Variants in CDKN2AIPNL observed in about 807,000 individuals in gnomAD.
The protein encoded by CDKN2AIPNL is CDKN2AIP N-terminal-like protein.
CDKN2AIPNL carries 9 observed loss-of-function variants against 12.9 expected under a neutral mutation model. The observed-to-expected ratio is 0.70, with a 90% CI of 0.42 to 1.22. The LOEUF (loss-of-function observed/expected upper bound fraction) is 1.22, where lower values mean the gene tolerates loss of function less well. Ranked by LOEUF, CDKN2AIPNL falls within the 50% of genes most tolerant of loss-of-function variation. CDKN2AIPNL has a pLI of 0.00. For synonymous variants in CDKN2AIPNL, 53 were observed against 61.7 expected (o/e 0.86, Z 0.66); for missense variants, 143 against 153.6 (o/e 0.93, Z 0.37).
chr5:134,409,794 T>TG (rs759598079), intron 2 of CDKN2AIPNL, 109 bp downstream of exon 2: 4 of 646,330 alleles, frequency 6.2e-6, no homozygotes, highest in Non-Finnish European at 1.1e-5. Flanking sequence ...TATAGGTCTT[T>TG]GGGGCAGTAA....
chr5:134,407,700 C>T (rs571039080), intron 2 of CDKN2AIPNL, among the ~76,000 whole-genome samples: 10 of 150,040 alleles, frequency 6.7e-5, no homozygotes, highest in Non-Finnish European at 1.3e-4. Flanking sequence ...CTTAAACTCG[C>T]GAGGCAGAGG....
chr5:134,410,303 T>C (rs1480048126), intron 1 of CDKN2AIPNL, among the ~76,000 whole-genome samples: 1 of 152,158 alleles, frequency 6.6e-6, no homozygotes, highest in Non-Finnish European at 1.5e-5. Flanking sequence ...GCCTGGCTAA[T>C]TTTTTATTTT....
chr5:134,402,975 A>C, intron 2 of CDKN2AIPNL, 49 bp from the exon 3 acceptor site: 2 of 1,517,290 alleles, frequency 1.3e-6, no homozygotes, highest in Admixed American at 1.7e-5. Flanking sequence ...AGTCCAGTGA[A>C]TCAAATTCAT....
chr5:134,403,435 T>C (rs1759057585), intron 2 of CDKN2AIPNL, among the ~76,000 whole-genome samples: 1 of 152,248 alleles, frequency 6.6e-6, no homozygotes, highest in Non-Finnish European at 1.5e-5. Context: ...GGTTACTCTC[T>C]AGCACCTTTG....
chr5:134,407,420 T>G (rs897415978), intron 2 of CDKN2AIPNL, among the ~76,000 whole-genome samples: 68 of 152,018 alleles, frequency 4.5e-4, no homozygotes, highest in African/African-American at 1.6e-3. Context: ...TGGAAAGAGT[T>G]CAGATACCTT....
rs1759059164 is a variant in CDKN2AIPNL, at chr5:134,403,569, CTT to C, written c.340-645_340-644del. 2.0e-5 allele frequency among the ~76,000 whole-genome samples: 3 copies of C among 152,294 alleles called. No homozygotes were observed. The South Asian group carries it at 6.2e-4, about 32-fold the overall frequency. On this transcript the variant is annotated intron_variant, in intron 2 of 2. Coordinates refer to ENST00000458198, the MANE Select transcript of CDKN2AIPNL (RefSeq NM_080656.3). ...AGTGCAAGTGAATCAATCTGAGAGTCTTTTTAGTAATCAGAGATTTCAAGGTA... is the reference window on the plus strand; with the variant it reads ...AGTGCAAGTGAATCAATCTGAGAGTCTTTAGTAATCAGAGATTTCAAGGTA...
chr5:134,408,278 T>G (rs373191246), intron 2 of CDKN2AIPNL, among the ~76,000 whole-genome samples: 1 of 152,014 alleles, frequency 6.6e-6, no homozygotes, highest in Non-Finnish European at 1.5e-5. Context: ...ACCCAAGGAC[T>G]GCCCAGTATT....
Position 134,411,686 on chromosome 5 carries a change from C to G in CDKN2AIPNL, c.169G>C (p.Gly57Arg). ...AGCAGCTGGTCCAGGCGGCCACTGC[C>G]GTCGGGCGGGTCGCGGTAGTCGGGC... ...HLPDYRDPPD[G>R]SGRLDQLLSL... The change falls in exon 1 of 3, where the codon GGC becomes CGC. Residue 57 changes from glycine to arginine, a missense_variant. By Grantham distance (125) the Gly-to-Arg change is moderately radical (BLOSUM62 -2). Coordinates refer to ENST00000458198, the MANE Select transcript of CDKN2AIPNL (RefSeq NM_080656.3). 6.2e-7 allele frequency: 1 copy of G among 1,613,096 alleles called. No homozygotes were observed. Among genetic ancestry groups the G allele is most frequent in the Non-Finnish European group, 8.5e-7 (1 of 1,179,808 alleles).
chr5:134,408,849 A>T (rs1332806456), intron 2 of CDKN2AIPNL, among the ~76,000 whole-genome samples: 1 of 152,162 alleles, frequency 6.6e-6, no homozygotes. Context: ...CTAAAAGAAT[A>T]CTTTTTTAAG....
rs1257337909 is a variant in CDKN2AIPNL at position 134,411,833 on chromosome 5, C to T, written c.22G>A (p.Ala8Thr). 1 of 1,573,080 alleles carries T rather than the reference C, an allele frequency of 6.4e-7. No homozygotes were observed. Among genetic ancestry groups the T allele is most frequent in the Non-Finnish European group, 8.6e-7 (1 of 1,160,410 alleles). Residue 8 changes from alanine (A) to threonine (T), a missense_variant, in exon 1 of 3, where the codon GCC becomes ACC. By Grantham distance (58) the Ala-to-Thr change is moderately conservative. Around this residue, in one of 3 missense-constraint regions of CDKN2AIPNL, gnomAD observed 30 missense variants for 25.2 expected, o/e 1.19. Transcript: ENST00000458198. MVGGEAA[A>T]AVEELVSGVR... The stretch of plus-strand genomic sequence containing the variant: ...CCCGAAACCAGCTCCTCCACTGCGG[C>T]AGCCGCCTCGCCACCGACCATGGTG...
At position 134,408,445 on chromosome 5, in the gene CDKN2AIPNL, G is replaced by A. The variant is rs549656951; in HGVS notation, c.339+1458C>T. On this transcript the variant is annotated intron_variant, in intron 2 of 2. Coordinates refer to ENST00000458198, the MANE Select transcript of CDKN2AIPNL (RefSeq NM_080656.3). Reference sequence around the variant, plus strand: ...AGCACTTTGGGAGGCCGAGGCGGGCGGATCACGAGGTCAGGAGATCGAGAC... The same window carrying A: ...AGCACTTTGGGAGGCCGAGGCGGGCAGATCACGAGGTCAGGAGATCGAGAC... Among the ~76,000 whole-genome samples the A allele has an allele frequency of 1.2e-3, 187 of 149,890 alleles. 1 individual carries two copies. The highest frequency in any genetic ancestry group is 3.8e-3 in the African/African-American group (153 of 40,516).
At chr5:134,411,194 C>T (rs1333145927) in intron 1 of CDKN2AIPNL, 2 of 675,156 alleles carry the variant, frequency 3.0e-6, no homozygotes, top group African/African-American at 1.8e-5. Flanking sequence ...CACTTCTCTC[C>T]CTAAGCTTTT....
At chr5:134,410,071 AG>A in intron 1 of CDKN2AIPNL, 69 bp from the exon 2 acceptor site, 2 of 1,096,752 alleles carry the variant, frequency 1.8e-6, no homozygotes, top group Non-Finnish European at 2.7e-6. Flanking sequence ...AAGAAACTGC[AG>A]GTTGCTCAAC....
At chr5:134,409,333 C>G (rs1759156360) in intron 2 of CDKN2AIPNL, among the ~76,000 whole-genome samples, 1 of 152,198 alleles carries the variant, frequency 6.6e-6, no homozygotes, top group Admixed American at 6.5e-5. Flanking sequence ...GGATGCCCAG[C>G]TCCATATTCT....
chr5:134,409,925 G>T lies in CDKN2AIPNL; in HGVS notation c.317C>A (p.Thr106Asn), dbSNP rs768493554. The part of the protein sequence containing the change: ...IEVEDLPQFT[T>N]RSELMKKHQS ...TACCTTTTTCATTAATTCACTTCTG[G>T]TAGTAAATTGTGGCAGGTCTTCCAC... The change falls in exon 2 of 3, where the codon ACC becomes AAC. Residue 106 changes from threonine to asparagine, a missense_variant. Physicochemically the swap from Thr to Asn is moderately conservative, Grantham distance 65. This residue lies in a region of CDKN2AIPNL where 111 missense variants were observed against 111.4 expected (regional missense o/e 1.00). Transcript: ENST00000458198. The T allele has an allele frequency of 1.9e-5, 31 of 1,610,380 alleles. No individual in the cohort carries two copies. The highest frequency in any genetic ancestry group is 2.1e-4 in the Middle Eastern group (1 of 4,780).
Position 134,411,757 on chromosome 5 carries a change from C to T in CDKN2AIPNL, c.98G>A (p.Ser33Asn), listed in dbSNP as rs1171416400. 1 of 1,612,252 alleles carries T rather than the reference C, an allele frequency of 6.2e-7. No homozygotes were observed. Among genetic ancestry groups the T allele is most frequent in the Non-Finnish European group, 8.5e-7 (1 of 1,179,590 alleles). Residue 33 changes from serine to asparagine, a missense_variant, in exon 1 of 3, where the codon AGC (serine) becomes AAC (asparagine). This residue lies in a region of CDKN2AIPNL where 111 missense variants were observed against 111.4 expected (regional missense o/e 1.00). Coordinates refer to ENST00000458198, the MANE Select transcript of CDKN2AIPNL (RefSeq NM_080656.3). ...FAEQFRSYSE[S>N]EKQWKARMEF... ...CATGCGGGCCTTCCATTGCTTCTCGCTCTCTGAGTAGGAGCGGAACTGCTC... is the reference window on the plus strand; with the variant it reads ...CATGCGGGCCTTCCATTGCTTCTCGTTCTCTGAGTAGGAGCGGAACTGCTC...
In CDKN2AIPNL at chr5:134,408,347, C is replaced by T. The variant is rs186776279; in HGVS notation, c.339+1556G>A. 7.6e-4 allele frequency among the ~76,000 whole-genome samples: 115 copies of T among 151,904 alleles called. 2 individuals carry two copies. The highest frequency in any genetic ancestry group is 1.5e-3 in the South Asian group (7 of 4,796). On this transcript the variant is annotated intron_variant, in intron 2 of 2. Transcript: ENST00000458198. ...CACACACTCCCAATTCACACTGCTC[C>T]CTGGCTAAAAACAGTAGCCCCTTTT...
rs774267729 is a variant in CDKN2AIPNL at position 134,411,868 on chromosome 5, G to A, written c.-14C>T. Reference sequence around the variant, plus strand: ...GCCACCGACCATGGTGCCCGCCGCAGCCGAGGACCGGATAGCCCGCCGCCT... The same window carrying A: ...GCCACCGACCATGGTGCCCGCCGCAACCGAGGACCGGATAGCCCGCCGCCT... On this transcript the variant is annotated 5_prime_UTR_variant, in exon 1 of 3. Transcript: ENST00000458198. 3.9e-6 allele frequency: 6 copies of A among 1,554,214 alleles called. No homozygotes were observed. Among genetic ancestry groups the A allele is most frequent in the Non-Finnish European group, 5.2e-6 (6 of 1,149,712 alleles).
At chr5:134,409,248 T>C (rs1327539483) in intron 2 of CDKN2AIPNL, among the ~76,000 whole-genome samples, 2 of 152,172 alleles carry the variant, frequency 1.3e-5, no homozygotes, top group Non-Finnish European at 1.5e-5. Flanking sequence ...AAGCGAGCAA[T>C]TAATTCTGCT....
Sources: allele counts gnomAD v4.1 joint callset (sites outside exome capture counted in the v4.1 genomes callset), GRCh38; gene constraint gnomAD v4.1.1; regional missense constraint gnomAD v4.1.1; transcripts MANE v1.5; gene names NCBI Gene and HGNC (gene_info 2026-07-23, HGNC 2026-07-21).